SNX31: variants seen among roughly 807,000 people sequenced by gnomAD.
The protein encoded by SNX31 is sorting nexin 31, also known as sorting nexin-31.
In SNX31, 58 loss-of-function variants were observed where a neutral mutation model predicts 65.4. The observed-to-expected ratio is 0.89, with a 90% CI of 0.72 to 1.10. SNX31 has a LOEUF of 1.10. Among genes scored for constraint, SNX31 ranks in the 50% least tolerant of loss-of-function variants. SNX31 has a pLI of 0.00. For missense variants in SNX31, 523 were observed against 529.7 expected (o/e 0.99, Z 0.12); for synonymous variants, 181 against 190.1 (o/e 0.95, Z 0.39).
In SNX31 at chr8:100,613,867, G is replaced by C. The variant is rs558017331; in HGVS notation, c.433-782C>G. ...CAGCCCAGCCCCTATTTAACACTGG[G>C]CTCTCGAGTAATTTCTTTATACTCC... is the stretch of plus-strand genomic sequence containing the variant. On this transcript the variant is annotated intron_variant, in intron 5 of 13. Coordinates refer to ENST00000311812, the MANE Select transcript of SNX31 (RefSeq NM_152628.4). The surrounding 1 kb of genome is among the most constrained non-coding windows in gnomAD (Gnocchi z 5.2). 6.6e-6 allele frequency among the ~76,000 whole-genome samples: 1 copy of C among 152,074 alleles called. No homozygotes were observed. Among genetic ancestry groups the C allele is most frequent in the Non-Finnish European group, 1.5e-5 (1 of 68,022 alleles).
chr8:100,598,448 G>A (rs1265145237), intron 9 of SNX31, among the ~76,000 whole-genome samples: 1 of 152,178 alleles, frequency 6.6e-6, no homozygotes, highest in Non-Finnish European at 1.5e-5. Context: ...CTTTAAAATT[G>A]TAATAATCTC....
At chr8:100,650,070 C>A (rs570425640), upstream of SNX31, among the ~76,000 whole-genome samples, 1 of 152,172 alleles carries the variant, frequency 6.6e-6, no homozygotes, top group African/African-American at 2.4e-5. Flanking sequence ...GAAGCCCCCC[C>A]CAAATGGAAA....
chr8:100,611,047 C>T (rs1449069354), intron 7 of SNX31, among the ~76,000 whole-genome samples: 2 of 152,166 alleles, frequency 1.3e-5, no homozygotes, highest in Non-Finnish European at 2.9e-5. Context: ...TTGTTCTCCA[C>T]AGGCTCCTGT....
intron 1 of SNX31, among the ~76,000 whole-genome samples, chr8:100,658,758 T>A (rs2131315825): frequency 6.6e-6 from 1 of 152,308 alleles, no homozygotes; most frequent in African/African-American, 2.4e-5. Context: ...CAGTGTGGAC[T>A]TTGTGTAAGC....
At chr8:100,635,545 T>C (rs1336461421) in intron 3 of SNX31, among the ~76,000 whole-genome samples, 1 of 144,854 alleles carries the variant, frequency 6.9e-6, no homozygotes, top group Non-Finnish European at 1.5e-5. Flanking sequence ...CCAGCCAGAC[T>C]TCATCTCTTA....
In SNX31 at chr8:100,612,977, T is replaced by C; in HGVS notation, c.523+18A>G. ...CCACCCCATCTCCTAGCTGATTCATTTGTTCCTTCCTTCTTACCAGAGAGC... is the reference window on the plus strand; with the variant it reads ...CCACCCCATCTCCTAGCTGATTCATCTGTTCCTTCCTTCTTACCAGAGAGC... On this transcript the variant is annotated intron_variant, in intron 6 of 13. Transcript: ENST00000311812. The surrounding 1 kb of genome is among the most constrained non-coding windows in gnomAD (Gnocchi z 4.3). 1.2e-6 allele frequency: 2 copies of C among 1,610,518 alleles called. No individual in the cohort carries two copies. Among genetic ancestry groups the C allele is most frequent in the Non-Finnish European group, 8.5e-7 (1 of 1,176,788 alleles).
chr8:100,592,680 T>C (rs2507785), intron 10 of SNX31, among the ~76,000 whole-genome samples: 83,527 of 152,096 alleles, frequency 0.55, 26,685 homozygotes, highest in African/African-American at 0.89. Context: ...CACAAATGTT[T>C]ATAGCAGCAT....
intron 4 of SNX31, among the ~76,000 whole-genome samples, chr8:100,623,343 A>C (rs910616478): frequency 3.9e-5 from 6 of 152,152 alleles, no homozygotes; most frequent in African/African-American, 1.4e-4. Context: ...CCATGATCCA[A>C]TCACCTCCCG....
chr8:100,577,033 T>C lies in SNX31; in HGVS notation c.1213A>G (p.Ile405Val). The C allele has an allele frequency of 3.7e-6, 6 of 1,613,602 alleles. No homozygotes were observed. The highest frequency in any genetic ancestry group is 5.1e-6 in the Non-Finnish European group (6 of 1,179,768). ...TACTCACAGACCTGGCTTTGTTGAA[T>C]GTGGTATTTTTTACTTTTGCTTTGT... ...PEQSKSKKYH[I>V]QQSQQKDYSS... The change falls in exon 13 of 14, where the codon ATT (isoleucine) becomes GTT (valine). Residue 405 changes from isoleucine to valine, a missense_variant. Ile to Val is a conservative substitution (Grantham distance 29). Transcript: ENST00000311812.
chr8:100,608,456 T>G, intron 8 of SNX31, 38 bp downstream of exon 8: 75 of 1,602,326 alleles, frequency 4.7e-5, no homozygotes, highest in Non-Finnish European at 5.9e-5. Context: ...ACATGGCCTA[T>G]GATCTACGGT....
chr8:100,661,007 A>ATTTTTT (rs10641759), intron 1 of SNX31, among the ~76,000 whole-genome samples: 6 of 140,578 alleles, frequency 4.3e-5, no homozygotes, highest in Admixed American at 1.4e-4. Context: ...GCAGGTCGAT[A>ATTTTTT]TTTTTTTTTT....
rs1440836687 is a variant in SNX31 at position 100,617,652 on chromosome 8, T to C, written c.400A>G (p.Ile134Val). ...ACTCTTTCAGCAGTGTCTGATGTTA[T>C]AATTTCGATTCTAATACTCTGTTCA... Reference protein sequence around the residue: ...PNEQSIRIEIITSDTAERVLE... With the variant: ...PNEQSIRIEIVTSDTAERVLE... Residue 134 changes from isoleucine (I) to valine (V), a missense_variant, in exon 5 of 14, where the codon ATA (isoleucine) becomes GTA (valine). Coordinates refer to ENST00000311812, the MANE Select transcript of SNX31 (RefSeq NM_152628.4). 2.5e-6 allele frequency: 4 copies of C among 1,613,500 alleles called. No homozygotes were observed. In the African/African-American group the frequency reaches 5.3e-5, roughly 22 times the overall value.
chr8:100,579,132 G>A (rs926068545), intron 12 of SNX31, among the ~76,000 whole-genome samples: 8 of 152,170 alleles, frequency 5.3e-5, no homozygotes, highest in African/African-American at 1.9e-4. Flanking sequence ...TTACATTAGG[G>A]TCCATAAATA....
chr8:100,588,735 C>G lies in SNX31; in HGVS notation c.1092+131G>C. Reference sequence around the variant, plus strand: ...AAAACAAAATAAAAGGTATTACGGTCCCGAACGAGAGTGCATAGAACACTT... The same window carrying G: ...AAAACAAAATAAAAGGTATTACGGTGCCGAACGAGAGTGCATAGAACACTT... On this transcript the variant is annotated intron_variant, in intron 11 of 13. Coordinates refer to ENST00000311812, the MANE Select transcript of SNX31 (RefSeq NM_152628.4). The surrounding 1 kb of genome is among the most constrained non-coding windows in gnomAD (Gnocchi z 4.8). 1.9e-6 allele frequency: 1 copy of G among 535,146 alleles called. No homozygotes were observed. Among genetic ancestry groups the G allele is most frequent in the Non-Finnish European group, 3.3e-6 (1 of 300,008 alleles). 33.1% of individuals were successfully genotyped at this position (535,146 alleles called of 1,614,324 possible).
intron 3 of SNX31, among the ~76,000 whole-genome samples, chr8:100,635,246 T>TTTATTTATTTATTTATTTATTTA (rs1563573840): frequency 1.8e-5 from 2 of 113,292 alleles, no homozygotes; most frequent in Non-Finnish European, 1.9e-5. Flanking sequence ...TTATTTATTT[T>TTTATTTATTTATTTATTTATTTA]TATCTTTTTT....
chr8:100,623,475 CTTTCCCCA>C (rs1817841069), intron 4 of SNX31, among the ~76,000 whole-genome samples: 1 of 152,224 alleles, frequency 6.6e-6, no homozygotes, highest in South Asian at 2.1e-4. Flanking sequence ...ACCTCATCCA[CTTTCCCCA>C]GGACTCCAGC....
Position 100,630,358 on chromosome 8 carries a change from A to T in SNX31, c.290T>A (p.Val97Asp), listed in dbSNP as rs202051247. 3.1e-6 allele frequency: 5 copies of T among 1,613,508 alleles called. No individual in the cohort carries two copies. Among genetic ancestry groups the T allele is most frequent in the East Asian group, 4.5e-5 (2 of 44,868 alleles). Residue 97 changes from valine to aspartate, a missense_variant, in exon 4 of 14, where the codon GTC becomes GAC. Coordinates refer to ENST00000311812, the MANE Select transcript of SNX31 (RefSeq NM_152628.4). The surrounding 1 kb of genome is among the most constrained non-coding windows in gnomAD (Gnocchi z 5.3). ...TMDPNVLRSD[V>D]FVEFLKLAQL... ...CGCCAGTTTTAAAAACTCAACGAAGACATCACTTCTCAACACGTTTGGGTC... is the reference window on the plus strand; with the variant it reads ...CGCCAGTTTTAAAAACTCAACGAAGTCATCACTTCTCAACACGTTTGGGTC...
intron 10 of SNX31, among the ~76,000 whole-genome samples, chr8:100,593,704 T>C (rs527310376): frequency 6.6e-6 from 1 of 152,134 alleles, no homozygotes; most frequent in South Asian, 2.1e-4. Context: ...TCTGCCCACC[T>C]CGGCCTCCCA....
intron 1 of SNX31, among the ~76,000 whole-genome samples, chr8:100,659,856 T>C (rs1809750436): frequency 6.6e-6 from 1 of 152,122 alleles, no homozygotes; most frequent in African/African-American, 2.4e-5. Context: ...AGACATACAG[T>C]TTTAGAGCTT....
Sources: allele counts gnomAD v4.1 joint callset (sites outside exome capture counted in the v4.1 genomes callset), GRCh38; gene constraint gnomAD v4.1.1; non-coding constraint Gnocchi (gnomAD v3.1); transcripts MANE v1.5; gene names NCBI Gene and HGNC (gene_info 2026-07-23, HGNC 2026-07-21).